The following RPAP3 variants were observed in gnomAD, a reference collection of about 807,000 sequenced individuals.
RPAP3 encodes RNA polymerase II associated protein 3, also known as RNA polymerase II-associated protein 3.
A neutral mutation model predicts 88.8 loss-of-function variants in RPAP3; 58 were observed. That is an observed-to-expected ratio of 0.65 (90% CI 0.53 to 0.81). The LOEUF (loss-of-function observed/expected upper bound fraction) is 0.81. RPAP3 is among the 40% of genes least tolerant of loss of function. The probability of loss-of-function intolerance (pLI) is 0.00; values close to 1 mark genes in which losing one functional copy is unlikely to be tolerated. For synonymous variants in RPAP3, 255 were observed against 259.9 expected (o/e 0.98, Z 0.18); for missense variants, 751 against 764.3 (o/e 0.98, Z 0.20).
intron 5 of RPAP3, among the ~76,000 whole-genome samples, chr12:47,693,799 G>A (rs1044672883): frequency 2.6e-5 from 4 of 152,180 alleles, no homozygotes; most frequent in African/African-American, 9.7e-5. Context: ...AAACAATCTA[G>A]AGACATTGCT....
Position 47,669,021 on chromosome 12 carries a change from C to T in RPAP3, c.1608G>A (p.Gln536=). The T allele has an allele frequency of 1.2e-6, 2 of 1,613,906 alleles. No individual in the cohort carries two copies. The highest frequency in any genetic ancestry group is 1.7e-6 in the Non-Finnish European group (2 of 1,179,832). Residue 536 remains glutamine (Q), a synonymous_variant, in exon 14 of 17, where the codon CAG becomes CAA. Transcript: ENST00000005386. The stretch of plus-strand genomic sequence containing the variant: ...TTGGAGGAAGAACAGTTGTGGCAAA[C>T]TGAGCAGGTTTTTGTTCTATCTCTA... ...MPIEIEQKPA[Q]FATTVLPPIP...
intron 4 of RPAP3, 28 bp from the exon 5 acceptor site, chr12:47,696,431 T>C: frequency 6.6e-7 from 1 of 1,507,252 alleles, no homozygotes; most frequent in Non-Finnish European, 9.0e-7. Context: ...AAAATGATCT[T>C]TTTTACAAAT....
chr12:47,696,410 G>C lies in RPAP3; in HGVS notation c.418-7C>G, dbSNP rs1565722586. On this transcript the variant is annotated splice_region_variant and splice_polypyrimidine_tract_variant and intron_variant, in intron 4 of 16. Coordinates refer to ENST00000005386, the MANE Select transcript of RPAP3 (RefSeq NM_024604.3). ...GTTTGAAGTATTTATTGCCCTGAAA[G>C]AAAATTATATAAAATGATCTTTTTT... The C allele has an allele frequency of 5.2e-6, 8 of 1,545,454 alleles. No individual in the cohort carries two copies. The highest frequency in any genetic ancestry group is 7.0e-6 in the Non-Finnish European group (8 of 1,142,116).
intron 9 of RPAP3, among the ~76,000 whole-genome samples, chr12:47,683,777 T>TA (rs1939273143): frequency 6.6e-6 from 1 of 152,204 alleles, no homozygotes; most frequent in Non-Finnish European, 1.5e-5. Context: ...CCTAGCTCCT[T>TA]AGCCCTGATT....
chr12:47,667,645 G>A, intron 15 of RPAP3, 109 bp downstream of exon 15: 2 of 583,414 alleles, frequency 3.4e-6, no homozygotes, highest in South Asian at 5.4e-5. Context: ...ACATAAACAA[G>A]ACTTATGTTC....
chr12:47,697,468 A>G, intron 4 of RPAP3, 129 bp downstream of exon 4: 1 of 761,668 alleles, frequency 1.3e-6, no homozygotes, highest in South Asian at 2.1e-5. Flanking sequence ...GCCTCCAGAG[A>G]GGGATGTAGC....
chr12:47,701,239 T>C (rs1281443548), intron 3 of RPAP3: 2 of 337,816 alleles, frequency 5.9e-6, no homozygotes, highest in Non-Finnish European at 1.1e-5. Flanking sequence ...AAGAATAAAA[T>C]CCTGGCTGTT....
At chr12:47,696,429 C>CT in intron 4 of RPAP3, 26 bp from the exon 5 acceptor site, 2 of 1,511,314 alleles carry the variant, frequency 1.3e-6, no homozygotes, top group Non-Finnish European at 1.8e-6. Context: ...ATAAAATGAT[C>CT]TTTTTTACAA....
intron 13 of RPAP3, among the ~76,000 whole-genome samples, chr12:47,669,312 T>C (rs571868606): frequency 1.3e-5 from 2 of 152,362 alleles, no homozygotes; most frequent in Admixed American, 1.3e-4. Flanking sequence ...ATGCTGGCTA[T>C]GTAATGACTA....
rs532468103 is a variant in RPAP3 at position 47,671,404 on chromosome 12, T to C, written c.1288-1059A>G. Among the ~76,000 whole-genome samples the C allele has an allele frequency of 1.2e-4, 18 of 152,276 alleles. No individual in the cohort carries two copies. The South Asian group carries it at 3.7e-3, about 32-fold the overall frequency. Reference sequence around the variant, plus strand: ...ACTCTAAGTATACATTCCAACTACATAGTTGAATTATAAATTGAAAAGTTG... The same window carrying C: ...ACTCTAAGTATACATTCCAACTACACAGTTGAATTATAAATTGAAAAGTTG... On this transcript the variant is annotated intron_variant, in intron 12 of 16. Coordinates refer to ENST00000005386, the MANE Select transcript of RPAP3 (RefSeq NM_024604.3).
chr12:47,686,504 G>C (rs572637003), intron 9 of RPAP3, among the ~76,000 whole-genome samples: 1 of 147,144 alleles, frequency 6.8e-6, no homozygotes, highest in African/African-American at 2.5e-5. Flanking sequence ...CTTGTGCCTG[G>C]AACTATGTAT....
chr12:47,688,258 T>C (rs1939363811), intron 7 of RPAP3, among the ~76,000 whole-genome samples: 1 of 151,748 alleles, frequency 6.6e-6, no homozygotes, highest in Non-Finnish European at 1.5e-5. Flanking sequence ...TTTTGACTTA[T>C]AAGTGGGAGG....
Position 47,669,100 on chromosome 12 carries a change from G to C in RPAP3, c.1529C>G (p.Pro510Arg), listed in dbSNP as rs1167029790. The change falls in exon 14 of 17, where the codon CCT (proline) becomes CGT (arginine). Residue 510 changes from proline to arginine, a missense_variant and splice_region_variant. Coordinates refer to ENST00000005386, the MANE Select transcript of RPAP3 (RefSeq NM_024604.3). ...TACATCCTGCTTCAAACTGGCTTGA[G>C]GTCTGAAATATTTCAGAGGTATCAA... ...EEVSDTSSLQ[P>R]QASLKQDVCQ... 1 of 1,609,036 alleles carries C rather than the reference G, an allele frequency of 6.2e-7. No homozygotes were observed. The highest frequency in any genetic ancestry group is 1.1e-5 in the South Asian group (1 of 90,734).
intron 12 of RPAP3, among the ~76,000 whole-genome samples, chr12:47,672,158 T>G (rs979970758): frequency 6.6e-6 from 1 of 152,158 alleles, no homozygotes; most frequent in East Asian, 1.9e-4. Context: ...CTTTCACTTA[T>G]TACCACTCTC....
intron 5 of RPAP3, among the ~76,000 whole-genome samples, chr12:47,691,838 C>T (rs1179926729): frequency 2.6e-5 from 4 of 151,978 alleles, no homozygotes; most frequent in African/African-American, 7.3e-5. Context: ...CTCTGCCTCC[C>T]GGGTTCACGC....
intron 2 of RPAP3, among the ~76,000 whole-genome samples, chr12:47,702,280 T>G (rs1939667621): frequency 1.3e-5 from 2 of 152,132 alleles, no homozygotes; most frequent in Admixed American, 1.3e-4. Context: ...GCACGGTGGC[T>G]CATGCCTGTA....
chr12:47,663,611 C>T, intron 16 of RPAP3, 21 bp from the exon 17 acceptor site: 1 of 1,415,980 alleles, frequency 7.1e-7, no homozygotes, highest in Non-Finnish European at 9.6e-7. Flanking sequence ...AAAAGAAATT[C>T]TCCATTTTAA....
chr12:47,677,957 A>T (rs1939149684), intron 12 of RPAP3, among the ~76,000 whole-genome samples: 1 of 152,224 alleles, frequency 6.6e-6, no homozygotes, highest in African/African-American at 2.4e-5. Flanking sequence ...CCTAAGGAAT[A>T]AGAACAAAGC....
At chr12:47,702,983 T>A in intron 1 of RPAP3, 137 bp from the exon 2 acceptor site, 1 of 445,840 alleles carries the variant, frequency 2.2e-6, no homozygotes. Context: ...TGATGCTGAA[T>A]AAAGAAAAAT....
Sources: allele counts gnomAD v4.1 joint callset (sites outside exome capture counted in the v4.1 genomes callset), GRCh38; gene constraint gnomAD v4.1.1; transcripts MANE v1.5; gene names NCBI Gene and HGNC (gene_info 2026-07-23, HGNC 2026-07-21).